Variants in ASTN2 observed in about 807,000 individuals in gnomAD.
ASTN2 encodes the protein astrotactin 2.
ASTN2 carries 54 observed loss-of-function variants against 139.8 expected under a neutral mutation model. The ratio of observed to expected loss-of-function variants is 0.39; its 90% CI spans 0.31 to 0.48. The LOEUF (loss-of-function observed/expected upper bound fraction) is 0.48, where lower values mean the gene tolerates loss of function less well. Ranked by LOEUF, ASTN2 falls within the 20% of genes least tolerant of loss-of-function variation. The pLI is 0.95. For missense variants in ASTN2, 1,565 were observed against 1,725.1 expected, an observed-to-expected ratio of 0.91 and a Z score of 1.64; for synonymous variants, 756 against 719.5, an observed-to-expected ratio of 1.05 and a Z score of -0.81.
chr9:116,589,488 A>G (rs1417580862), intron 19 of ASTN2, among the ~76,000 whole-genome samples: 2 of 152,182 alleles, frequency 1.3e-5, no homozygotes, highest in African/African-American at 4.8e-5. Flanking sequence ...GTGGAGAGAG[A>G]AGGGAGAAAT....
At chr9:117,274,206 C>T (rs1198690010) in intron 2 of ASTN2, among the ~76,000 whole-genome samples, 6 of 152,076 alleles carry the variant, frequency 3.9e-5, no homozygotes, top group Non-Finnish European at 8.8e-5. Flanking sequence ...AAAAAATAGC[C>T]GGACGTGGTG....
chr9:116,977,280 A>G (rs1176129753), intron 7 of ASTN2, among the ~76,000 whole-genome samples: 1 of 152,214 alleles, frequency 6.6e-6, no homozygotes, highest in Non-Finnish European at 1.5e-5. Context: ...CCCTTTCAGA[A>G]AAACCTGTCT....
At chr9:116,642,230 G>A (rs777541432) in intron 17 of ASTN2, among the ~76,000 whole-genome samples, 1 of 146,702 alleles carries the variant, frequency 6.8e-6, no homozygotes, top group Non-Finnish European at 1.5e-5. Flanking sequence ...AAGTGATTTT[G>A]ATCCACTGAG....
At chr9:117,182,406 A>C (rs1474850776) in intron 3 of ASTN2, among the ~76,000 whole-genome samples, 2 of 151,974 alleles carry the variant, frequency 1.3e-5, no homozygotes, top group African/African-American at 4.8e-5. Context: ...TTTATATACC[A>C]CTGATCTGAG....
intron 13 of ASTN2, among the ~76,000 whole-genome samples, chr9:116,777,830 C>T (rs1204233272): frequency 1.3e-5 from 2 of 149,468 alleles, no homozygotes; most frequent in Non-Finnish European, 3.0e-5. Context: ...AATTGCATTA[C>T]TTTCTCTTTT....
chr9:116,634,070 A>G (rs1432082650), intron 17 of ASTN2, among the ~76,000 whole-genome samples: 3 of 152,146 alleles, frequency 2.0e-5, no homozygotes, highest in Non-Finnish European at 2.9e-5. Context: ...CAGTGCTATC[A>G]CTAAGCAAAC....
chr9:116,743,338 C>G (rs1829143600), intron 13 of ASTN2, among the ~76,000 whole-genome samples: 1 of 152,158 alleles, frequency 6.6e-6, no homozygotes, highest in South Asian at 2.1e-4. Flanking sequence ...ATCTTGAGGT[C>G]AGGAGATTGA....
intron 19 of ASTN2, among the ~76,000 whole-genome samples, chr9:116,527,703 T>A (rs1851153533): frequency 6.6e-6 from 1 of 152,100 alleles, no homozygotes; most frequent in African/African-American, 2.4e-5. Flanking sequence ...CAAATTCTAA[T>A]CCCCATGTGT....
At chr9:116,497,361 T>A (rs1269855633) in intron 19 of ASTN2, among the ~76,000 whole-genome samples, 6 of 152,146 alleles carry the variant, frequency 3.9e-5, no homozygotes, top group Non-Finnish European at 8.8e-5. Flanking sequence ...CAAGCAGTTA[T>A]CGAACACCCT....
At chr9:117,142,559 C>G (rs4837006) in intron 3 of ASTN2, among the ~76,000 whole-genome samples, 31,194 of 152,152 alleles carry the variant, frequency 0.21, 3,634 homozygotes, top group Middle Eastern at 0.33. Context: ...TCCAATATTC[C>G]GTTTGCACCA....
chr9:116,972,562 C>A (rs1315527631), intron 10 of ASTN2, among the ~76,000 whole-genome samples: 1 of 152,122 alleles, frequency 6.6e-6, no homozygotes, highest in Non-Finnish European at 1.5e-5. Flanking sequence ...GTACATAACA[C>A]TCCACAGGTT....
intron 19 of ASTN2, chr9:116,546,593 G>C (rs1046604129): frequency 6.6e-6 from 1 of 152,216 alleles, no homozygotes; most frequent in East Asian, 1.9e-4. Context: ...AGAAGAAAGG[G>C]ACTTGGCATT....
chr9:116,967,591 A>G (rs1359610395), intron 10 of ASTN2, among the ~76,000 whole-genome samples: 1 of 152,234 alleles, frequency 6.6e-6, no homozygotes, highest in Admixed American at 6.5e-5. Context: ...GTGCACACAT[A>G]TGCACACATA....
intron 19 of ASTN2, among the ~76,000 whole-genome samples, chr9:116,530,567 T>A: frequency 6.6e-6 from 1 of 152,092 alleles, no homozygotes; most frequent in Non-Finnish European, 1.5e-5. Flanking sequence ...TATACATATA[T>A]CAAATATCAT....
chr9:116,543,375 C>A (rs1446334467), intron 19 of ASTN2, among the ~76,000 whole-genome samples: 5 of 150,954 alleles, frequency 3.3e-5, no homozygotes, highest in African/African-American at 4.9e-5. Flanking sequence ...GAGGCTGAGG[C>A]TGCAATGATC....
intron 10 of ASTN2, among the ~76,000 whole-genome samples, chr9:116,937,900 A>C (rs924915310): frequency 1.3e-5 from 2 of 152,216 alleles, no homozygotes; most frequent in Non-Finnish European, 2.9e-5. Flanking sequence ...GGAAGCAGAT[A>C]CACTGAAACT....
rs35212499 is a variant in ASTN2, at chr9:116,843,258, A to AT, written c.2040+20324dup. ...TATACACTTGAAATACTATGCAGCC[A>AT]TAAAAAAATCATGTCCTTTGCAGCA... is the stretch of plus-strand genomic sequence containing the variant. On this transcript the variant is annotated intron_variant, in intron 11 of 22. Transcript: ENST00000313400. Among the ~76,000 whole-genome samples the AT allele has an allele frequency of 7.8e-3, 1,183 of 152,356 alleles. 3 individuals are homozygous for AT. Among genetic ancestry groups the AT allele is most frequent in the South Asian group, 0.016 (76 of 4,832 alleles).
At chr9:117,285,521 T>C (rs1047978772) in intron 2 of ASTN2, among the ~76,000 whole-genome samples, 1 of 152,218 alleles carries the variant, frequency 6.6e-6, no homozygotes, top group Non-Finnish European at 1.5e-5. Flanking sequence ...TGAATAAGAA[T>C]GGTAGTAATA....
chr9:116,476,027 A>G (rs1024513473), intron 20 of ASTN2, among the ~76,000 whole-genome samples: 2 of 152,212 alleles, frequency 1.3e-5, no homozygotes, highest in Non-Finnish European at 2.9e-5. Context: ...TGGTGGCTTA[A>G]AACAACAGAA....
Sources: gnomAD v4.1 joint callset for allele counts (sites outside exome capture counted in the v4.1 genomes callset) on GRCh38, gnomAD v4.1.1 for gene constraint, MANE v1.5 for transcripts, NCBI Gene and HGNC (gene_info 2026-07-23, HGNC 2026-07-21) for gene names.